Variants in UBE3A observed in about 807,000 individuals in gnomAD.
The protein encoded by UBE3A is ubiquitin-protein ligase E3A.
Under a neutral mutation model 83.4 loss-of-function variants are expected in UBE3A, and 6 were observed. The observed-to-expected ratio is 0.07, with a 90% CI of 0.04 to 0.14. UBE3A has a LOEUF of 0.14. Ranked by LOEUF, UBE3A falls within the 10% of genes least tolerant of loss-of-function variation. The pLI is 1.00. For synonymous variants in UBE3A, 337 were observed against 355.4 expected, an observed-to-expected ratio of 0.95 and a Z score of 0.58; for missense variants, 456 against 1,036.1, an observed-to-expected ratio of 0.44 and a Z score of 7.69.
At chr15:25,422,991 A>G (rs1286131130) in intron 1 of UBE3A, among the ~76,000 whole-genome samples, 1 of 152,012 alleles carries the variant, frequency 6.6e-6, no homozygotes, top group Non-Finnish European at 1.5e-5. Context: ...CTATCTCTAA[A>G]AAGTTTTTGT....
chr15:25,431,906 G>T (rs1893574505), intron 1 of UBE3A, among the ~76,000 whole-genome samples: 1 of 152,114 alleles, frequency 6.6e-6, no homozygotes, highest in South Asian at 2.1e-4. Context: ...AGGCACAATA[G>T]AATTCTTAGG....
chr15:25,354,033 T>C (rs915376044), intron 11 of UBE3A: 2 of 388,180 alleles, frequency 5.2e-6, no homozygotes, highest in South Asian at 2.9e-5. Flanking sequence ...AAAGGAAAAA[T>C]TGCAGACATG....
At chr15:25,344,817 A>AT (rs1595443310) in intron 11 of UBE3A, among the ~76,000 whole-genome samples, 1 of 151,974 alleles carries the variant, frequency 6.6e-6, no homozygotes, top group African/African-American at 2.4e-5. Flanking sequence ...GCAGATGGAA[A>AT]TTTTTTTTCC....
rs942894942 is a variant in UBE3A, at chr15:25,422,967, G to A, written c.-164-10996C>T. Among the ~76,000 whole-genome samples the A allele has an allele frequency of 2.0e-5, 3 of 151,316 alleles. 1 individual carries two copies. In the South Asian group the frequency reaches 6.2e-4, roughly 31 times the overall value. On this transcript the variant is annotated intron_variant, in intron 1 of 12. Transcript: ENST00000648336. The stretch of plus-strand genomic sequence containing the variant: ...GAGCTATGGTTGCTCCAGCCCGGGT[G>A]ACAGAGTGAGATCCTATCTCTAAAA...
intron 6 of UBE3A, among the ~76,000 whole-genome samples, chr15:25,363,030 T>C (rs1247938217): frequency 1.3e-5 from 2 of 152,196 alleles, no homozygotes; most frequent in African/African-American, 4.8e-5. Flanking sequence ...TTCTACAGGA[T>C]TGAGAGGCCC....
chr15:25,354,805 A>G, intron 9 of UBE3A, 122 bp from the exon 10 acceptor site: 1 of 974,266 alleles, frequency 1.0e-6, no homozygotes, highest in East Asian at 2.6e-5. Context: ...ATTCTTAAAA[A>G]TTCAATTTTA....
At chr15:25,401,210 A>G (rs965611208) in intron 4 of UBE3A, among the ~76,000 whole-genome samples, 3 of 152,148 alleles carry the variant, frequency 2.0e-5, no homozygotes, top group African/African-American at 7.2e-5. Context: ...GAATTTAGTT[A>G]TTATTTTCTT....
intron 3 of UBE3A, chr15:25,408,296 C>T (rs750675680): frequency 4.3e-5 from 17 of 394,092 alleles, no homozygotes; most frequent in Admixed American, 2.3e-4. Flanking sequence ...AAAGAGTCTA[C>T]TTATTCTTTT....
chr15:25,386,707 GA>G (rs1328004980), intron 4 of UBE3A, among the ~76,000 whole-genome samples: 2 of 150,340 alleles, frequency 1.3e-5, no homozygotes, highest in Non-Finnish European at 3.0e-5. Flanking sequence ...AAGCCAGAGG[GA>G]AAAAATCACC....
intron 5 of UBE3A, among the ~76,000 whole-genome samples, 197 bp from the exon 6 acceptor site, chr15:25,372,009 AC>A (rs1264106640): frequency 1.1e-4 from 17 of 152,102 alleles, no homozygotes; most frequent in African/African-American, 4.1e-4. Flanking sequence ...TGAACTACCT[AC>A]CTATACCAAT....
intron 4 of UBE3A, among the ~76,000 whole-genome samples, chr15:25,403,154 A>G (rs1055096932): frequency 6.6e-6 from 1 of 152,186 alleles, no homozygotes; most frequent in African/African-American, 2.4e-5. Flanking sequence ...TTCAAATGTG[A>G]TAAAGTCTTT....
chr15:25,408,557 T>C, intron 3 of UBE3A: 1 of 1,604,392 alleles, frequency 6.2e-7, no homozygotes, highest in South Asian at 1.1e-5. Context: ...GAAAATATGA[T>C]CACAAAACAC....
chr15:25,395,568 C>T lies in UBE3A; in HGVS notation c.62+9893G>A, dbSNP rs551508954. Among the ~76,000 whole-genome samples, 5 of 152,216 alleles carry T rather than the reference C, an allele frequency of 3.3e-5. No homozygotes were observed. The South Asian group carries it at 1.0e-3, about 32-fold the overall frequency. On this transcript the variant is annotated intron_variant, in intron 4 of 12. Transcript: ENST00000648336. The stretch of plus-strand genomic sequence containing the variant: ...CTGGCTGCACAGGAGGGGAAAAAAG[C>T]TGTTATTGACTGAGATGGCAAAATA...
chr15:25,359,092 T>C (rs1768915069), intron 7 of UBE3A, among the ~76,000 whole-genome samples: 1 of 152,184 alleles, frequency 6.6e-6, no homozygotes, highest in Admixed American at 6.5e-5. Context: ...AAAAGCACCA[T>C]AACCTCCTGG....
chr15:25,350,632 A>T (rs1481337163), intron 11 of UBE3A, among the ~76,000 whole-genome samples: 1 of 152,164 alleles, frequency 6.6e-6, no homozygotes, highest in Non-Finnish European at 1.5e-5. Context: ...AAACATTTCC[A>T]CAATAAGACT....
chr15:25,354,928 C>T (rs2077016742), intron 9 of UBE3A, among the ~76,000 whole-genome samples: 1 of 151,318 alleles, frequency 6.6e-6, no homozygotes, highest in Non-Finnish European at 1.5e-5. Context: ...TTTACACCTA[C>T]AAAGAAAACT....
At chr15:25,407,086 T>C (rs1212194806) in intron 3 of UBE3A, 6 of 1,350,634 alleles carry the variant, frequency 4.4e-6, no homozygotes, top group Non-Finnish European at 5.9e-6. Context: ...ACCAGCCTTG[T>C]GGGTAAGTAC....
intron 4 of UBE3A, among the ~76,000 whole-genome samples, chr15:25,391,439 C>A (rs1417310763): frequency 1.3e-5 from 2 of 152,168 alleles, no homozygotes; most frequent in Non-Finnish European, 2.9e-5. Context: ...TGCACAGTTA[C>A]CACAATTGTA....
intron 4 of UBE3A, among the ~76,000 whole-genome samples, chr15:25,378,158 CAA>C (rs2081538187): frequency 6.6e-6 from 1 of 152,036 alleles, no homozygotes; most frequent in African/African-American, 2.4e-5. Context: ...AAAAAAATTA[CAA>C]AAGTCAAAAT....
Sources: gnomAD v4.1 joint callset for allele counts (sites outside exome capture counted in the v4.1 genomes callset) on GRCh38, gnomAD v4.1.1 for gene constraint, MANE v1.5 for transcripts, NCBI Gene and HGNC (gene_info 2026-07-23, HGNC 2026-07-21) for gene names.